The following CEACAM21 variants were observed in gnomAD, a reference collection of about 807,000 sequenced individuals.
CEACAM21 encodes CEA cell adhesion molecule 21.
Under a neutral mutation model 33.2 loss-of-function variants are expected in CEACAM21, and 38 were observed. The ratio of observed to expected loss-of-function variants is 1.14; its 90% CI spans 0.88 to 1.50. CEACAM21 has a LOEUF of 1.50. Ranked by LOEUF, CEACAM21 falls within the 40% of genes most tolerant of loss-of-function variation. CEACAM21 has a pLI of 0.00. For synonymous variants in CEACAM21, 156 were observed against 143.0 expected, an observed-to-expected ratio of 1.09 and a Z score of -0.65; for missense variants, 385 against 364.6, an observed-to-expected ratio of 1.06 and a Z score of -0.46.
At chr19:41,570,020 G>C (rs1555789132) in intron 2 of CEACAM21, among the ~76,000 whole-genome samples, 1 of 152,168 alleles carries the variant, frequency 6.6e-6, no homozygotes. Flanking sequence ...AGGGAGCCTA[G>C]AGCGGGCCCC....
At chr19:41,567,009 A>T (rs1400180424) in intron 2 of CEACAM21, among the ~76,000 whole-genome samples, 2 of 151,886 alleles carry the variant, frequency 1.3e-5, no homozygotes, top group Admixed American at 6.6e-5. Context: ...TCCTATTTAA[A>T]TTTTTTTGAT....
At chr19:41,584,239 G>A in intron 3 of CEACAM21, 108 bp from the exon 4 acceptor site, 3 of 900,790 alleles carry the variant, frequency 3.3e-6, no homozygotes, top group Admixed American at 2.1e-5. Context: ...CCACACTCAG[G>A]CTCCATGGCA....
At position 41,585,525 on chromosome 19, in the gene CEACAM21, G is replaced by C. The variant is rs782352940; in HGVS notation, c.850+30G>C. 6 of 1,612,350 alleles carry C rather than the reference G, an allele frequency of 3.7e-6. No individual in the cohort carries two copies. The East Asian group carries it at 1.3e-4, about 36-fold the overall frequency. On this transcript the variant is annotated intron_variant, in intron 5 of 6. Coordinates refer to ENST00000401445, the MANE Select transcript of CEACAM21 (RefSeq NM_001098506.4). ...GTGTCCCTTCAGTCTGGGTGTGGCT[G>C]GGAACTACTAAGCCAGCCCCAAGTT... is the stretch of plus-strand genomic sequence containing the variant.
At position 41,586,481 on chromosome 19, in the gene CEACAM21, C is replaced by T. The variant is rs200862648; in HGVS notation, c.*18C>T. ...TTTTACAGGAATTGCTACACTCTGA[C>T]ACAAACATTTACTGCTGGATCGACC... On this transcript the variant is annotated 3_prime_UTR_variant, in exon 7 of 7. Coordinates refer to ENST00000401445, the MANE Select transcript of CEACAM21 (RefSeq NM_001098506.4). 5.4e-4 allele frequency: 345 copies of T among 635,558 alleles called. 54 individuals carry two copies. The East Asian group carries it at 8.9e-3, about 16-fold the overall frequency. The allele number at this position is 635,558 out of a possible 1,614,324, so 39.4% of individuals were successfully genotyped here.
chr19:41,583,927 AC>A lies in CEACAM21; in HGVS notation c.701-419del, dbSNP rs1376465501. Among the ~76,000 whole-genome samples the A allele has an allele frequency of 3.9e-5, 6 of 152,152 alleles. No homozygotes were observed. The East Asian group carries it at 1.2e-3, about 29-fold the overall frequency. ...AAAAGCTGCAGGTAGATTGATTCCC[AC>A]TGTGCCTTCCATGTGGAAGGCCCCT... On this transcript the variant is annotated intron_variant, in intron 3 of 6. Transcript: ENST00000401445.
intron 3 of CEACAM21, among the ~76,000 whole-genome samples, chr19:41,582,128 A>G (rs2043440875): frequency 6.6e-6 from 1 of 152,224 alleles, no homozygotes; most frequent in South Asian, 2.1e-4. Flanking sequence ...GCCAAAACAA[A>G]GGGGCTACAG....
chr19:41,577,137 G>A, intron 1 of CEACAM21, 63 bp from the exon 2 acceptor site: 1 of 1,600,506 alleles, frequency 6.2e-7, no homozygotes. Context: ...CTGCACCCAG[G>A]ACCCCGTCTT....
At chr19:41,558,536 A>G (rs782160103) in intron 1 of CEACAM21, among the ~76,000 whole-genome samples, 4 of 152,068 alleles carry the variant, frequency 2.6e-5, no homozygotes, top group Non-Finnish European at 4.4e-5. Context: ...AGTCCCAGCT[A>G]CTCTGGAGGC....
At chr19:41,584,584 A>G (rs2070577990) in intron 4 of CEACAM21, 141 bp downstream of exon 4, 3 of 726,646 alleles carry the variant, frequency 4.1e-6, no homozygotes, top group Admixed American at 4.8e-5. Context: ...ATTCCATGGC[A>G]CCTTCCTCAC....
Position 41,553,362 on chromosome 19 carries a change from C to CTTT in CEACAM21, c.-779+3810_-779+3811insTTT, listed in dbSNP as rs557849186. Among the ~76,000 whole-genome samples the CTTT allele has an allele frequency of 1.4e-4, 22 of 152,112 alleles. No homozygotes were observed. The South Asian group carries it at 4.6e-3, about 32-fold the overall frequency. On this transcript the variant is annotated intron_variant, in intron 1 of 7. Transcript: ENST00000407170. ...CAGATGATCTGCCCACCTCAGCCTC[C>CTTT]CAAAGTGCTGGGATTACAGGAGTGA...
At chr19:41,549,812 T>C (rs1653333612) in intron 1 of CEACAM21, among the ~76,000 whole-genome samples, 1 of 152,160 alleles carries the variant, frequency 6.6e-6, no homozygotes, top group African/African-American at 2.4e-5. Context: ...TCTGTCTCCA[T>C]CTCCTGAGCA....
At chr19:41,556,958 T>C (rs909185972) in intron 1 of CEACAM21, among the ~76,000 whole-genome samples, 2 of 152,234 alleles carry the variant, frequency 1.3e-5, no homozygotes, top group Admixed American at 1.3e-4. Context: ...AAAATCTTTT[T>C]ATAAATTTAG....
At chr19:41,552,713 A>G (rs1339374966) in intron 1 of CEACAM21, among the ~76,000 whole-genome samples, 1 of 152,106 alleles carries the variant, frequency 6.6e-6, no homozygotes, top group Non-Finnish European at 1.5e-5. Context: ...GTTATGGGGC[A>G]CCGAATGCAG....
chr19:41,571,980 T>C (rs2042641591), upstream of CEACAM21, among the ~76,000 whole-genome samples: 1 of 152,116 alleles, frequency 6.6e-6, no homozygotes, highest in Non-Finnish European at 1.5e-5. Context: ...GTCAGAAGCT[T>C]TCCACCTCCT....
At chr19:41,567,707 A>T (rs2042352613) in intron 2 of CEACAM21, among the ~76,000 whole-genome samples, 1 of 152,208 alleles carries the variant, frequency 6.6e-6, no homozygotes, top group Non-Finnish European at 1.5e-5. Flanking sequence ...TGGCAGAAAA[A>T]GAGACTGTGC....
chr19:41,563,721 G>A (rs1258941411), intron 1 of CEACAM21, among the ~76,000 whole-genome samples: 2 of 152,258 alleles, frequency 1.3e-5, no homozygotes, highest in Non-Finnish European at 2.9e-5. Context: ...ATTAGCTTCA[G>A]GGTTGTCACC....
In CEACAM21 at chr19:41,579,426, C is replaced by A; in HGVS notation, c.498C>A (p.Cys166Ter). The A allele has an allele frequency of 6.2e-7, 1 of 1,613,944 alleles. No individual in the cohort carries two copies. The highest frequency in any genetic ancestry group is 8.5e-7 in the Non-Finnish European group (1 of 1,179,882). ...VTEKGSVVLT[C>*]HTNNTGTSFQ... is the part of the protein sequence containing the mutation. ...AGAAGGGCTCCGTGGTCCTGACCTGCCACACAAATAACACTGGAACCTCTT... is the reference window on the plus strand; with the variant it reads ...AGAAGGGCTCCGTGGTCCTGACCTGACACACAAATAACACTGGAACCTCTT... Residue 166 changes from cysteine (C) to a stop codon, truncating the protein, a stop_gained, in exon 3 of 7, where the codon TGC (cysteine) becomes TGA (stop). Transcript: ENST00000401445. LOFTEE classifies it high-confidence loss of function.
At chr19:41,559,468 T>A (rs1156780657) in intron 1 of CEACAM21, among the ~76,000 whole-genome samples, 2 of 152,220 alleles carry the variant, frequency 1.3e-5, no homozygotes, top group African/African-American at 2.4e-5. Flanking sequence ...AAAAGATTTT[T>A]AAAAGAGGTG....
chr19:41,564,595 G>A (rs574478826), intron 1 of CEACAM21: 8 of 152,382 alleles, frequency 5.2e-5, no homozygotes, highest in African/African-American at 1.7e-4. Flanking sequence ...GCGGAAACAG[G>A]GGGTGGGCGC....
Sources: allele counts gnomAD v4.1 joint callset (sites outside exome capture counted in the v4.1 genomes callset), GRCh38; gene constraint gnomAD v4.1.1; transcripts MANE v1.5; gene names NCBI Gene and HGNC (gene_info 2026-07-23, HGNC 2026-07-21).